AKAP13: variants seen among roughly 807,000 people sequenced by gnomAD.
AKAP13 encodes the protein A-kinase anchoring protein 13, also known as A-kinase anchor protein 13.
A neutral mutation model predicts 264.5 loss-of-function variants in AKAP13; 80 were observed. The observed-to-expected ratio is 0.30, with a 90% CI of 0.25 to 0.36. The LOEUF is 0.36. Among genes scored for constraint, AKAP13 ranks in the 10% least tolerant of loss-of-function variants. The probability of loss-of-function intolerance (pLI) is 1.00; values close to 1 mark genes in which losing one functional copy is unlikely to be tolerated. For synonymous variants in AKAP13, 1,380 were observed against 1,250.2 expected (o/e 1.10, Z -2.19); for missense variants, 3,712 against 3,435.2 (o/e 1.08, Z -2.01).
At chr15:85,630,391 A>G (rs962412137) in intron 8 of AKAP13, among the ~76,000 whole-genome samples, 5 of 152,158 alleles carry the variant, frequency 3.3e-5, no homozygotes, top group African/African-American at 9.7e-5. Context: ...TGTTCCATTC[A>G]CTGTCATTCC....
chr15:85,601,606 CTTTGTGTGTGTG>C (rs1289648447), intron 8 of AKAP13, among the ~76,000 whole-genome samples: 3 of 46,524 alleles, frequency 6.4e-5, no homozygotes, highest in Admixed American at 4.1e-4. Flanking sequence ...CACCTGAATT[CTTTGTGTGTGTG>C]TGTGTGTGTG....
chr15:85,719,233 C>T lies in AKAP13; in HGVS notation c.6159C>T (p.Phe2053=), dbSNP rs753452557. The T allele has an allele frequency of 3.1e-6, 5 of 1,614,128 alleles. No individual in the cohort carries two copies. Among genetic ancestry groups the T allele is most frequent in the Admixed American group, 1.7e-5 (1 of 60,018 alleles). ...TGATCAGTATCCATAGCCAATTCTT[C>T]CAGAGGATTCTGGAGCGGAAGAAGG... is the stretch of plus-strand genomic sequence containing the variant. ...DELISIHSQF[F]QRILERKKES... is the part of the protein sequence containing the mutation. The change falls in exon 23 of 37, where the codon TTC becomes TTT. Residue 2053 remains phenylalanine, a synonymous_variant. Transcript: ENST00000394518.
chr15:85,576,770 A>G (rs8041467), intron 6 of AKAP13, among the ~76,000 whole-genome samples: 95,274 of 151,974 alleles, frequency 0.63, 30,020 homozygotes, highest in Middle Eastern at 0.72. Context: ...TTTCCTCTGA[A>G]TGGACTTCTA....
chr15:85,629,590 C>A lies in AKAP13; in HGVS notation c.4162-9784C>A, dbSNP rs148605618. Among the ~76,000 whole-genome samples, 9 of 152,136 alleles carry A rather than the reference C, an allele frequency of 5.9e-5. No homozygotes were observed. In the East Asian group the frequency reaches 1.7e-3, roughly 29 times the overall value. On this transcript the variant is annotated intron_variant, in intron 8 of 36. Transcript: ENST00000394518. ...TTTTGAGCAGATAAAGCTATAAATACAATATAGTTCATCTACATGTATGCT... is the reference window on the plus strand; with the variant it reads ...TTTTGAGCAGATAAAGCTATAAATAAAATATAGTTCATCTACATGTATGCT...
At chr15:85,612,481 T>C (rs1427541697) in intron 8 of AKAP13, among the ~76,000 whole-genome samples, 1 of 152,138 alleles carries the variant, frequency 6.6e-6, no homozygotes, top group Non-Finnish European at 1.5e-5. Context: ...AAAAATAGCA[T>C]AAGGTTGTGA....
At chr15:85,582,823 G>A (rs772454247) in intron 7 of AKAP13, 54 of 976,210 alleles carry the variant, frequency 5.5e-5, no homozygotes, top group Non-Finnish European at 6.3e-5. Flanking sequence ...CAGGATTTCC[G>A]CCCAAGCCCA....
intron 8 of AKAP13, among the ~76,000 whole-genome samples, chr15:85,589,128 T>G (rs1357696585): frequency 6.6e-6 from 1 of 152,176 alleles, no homozygotes; most frequent in Admixed American, 6.5e-5. Context: ...TTGCTGTGAG[T>G]TGAAAGGATA....
intron 5 of AKAP13, among the ~76,000 whole-genome samples, chr15:85,562,128 G>A (rs1339874562): frequency 1.3e-5 from 2 of 152,158 alleles, no homozygotes; most frequent in African/African-American, 2.4e-5. Flanking sequence ...GAGAGTAAAT[G>A]AGATGATGTG....
At chr15:85,731,668 G>C (rs2088048189) in intron 30 of AKAP13, among the ~76,000 whole-genome samples, 1 of 152,070 alleles carries the variant, frequency 6.6e-6, no homozygotes, top group Non-Finnish European at 1.5e-5. Flanking sequence ...TGACATATAA[G>C]AAAAGATAAA....
chr15:85,626,724 G>C (rs913434470), intron 8 of AKAP13, among the ~76,000 whole-genome samples: 1 of 152,182 alleles, frequency 6.6e-6, no homozygotes, highest in African/African-American at 2.4e-5. Context: ...ATATCTGTTT[G>C]AGTTCCTGCT....
intron 8 of AKAP13, among the ~76,000 whole-genome samples, chr15:85,629,225 TGAAAG>T (rs2081578082): frequency 6.6e-6 from 1 of 150,820 alleles, no homozygotes; most frequent in African/African-American, 2.4e-5. Flanking sequence ...GGAGGGAAAA[TGAAAG>T]GAGAAAGAAG....
At chr15:85,406,365 A>G (rs2150855469) in intron 1 of AKAP13, among the ~76,000 whole-genome samples, 1 of 150,582 alleles carries the variant, frequency 6.6e-6, no homozygotes, top group East Asian at 1.9e-4. Context: ...CTCTCTCTCA[A>G]CTAATTTTTG....
At chr15:85,392,276 A>G (rs1468415228) in intron 1 of AKAP13, among the ~76,000 whole-genome samples, 3 of 87,858 alleles carry the variant, frequency 3.4e-5, no homozygotes, top group South Asian at 3.8e-4. Context: ...TTTTTTTGAG[A>G]TGGAGTCTCG....
In AKAP13 at chr15:85,743,832, C is replaced by T. The variant is rs748462439; in HGVS notation, c.8392+7C>T. ...AGCCGCTCTCAGCCCGGTGGTGAGT[C>T]ACGCACACCTGCTCTCCCTGTGGCC... On this transcript the variant is annotated splice_region_variant and intron_variant, in intron 36 of 36. Coordinates refer to ENST00000394518, the MANE Select transcript of AKAP13 (RefSeq NM_007200.5). 1.9e-6 allele frequency: 3 copies of T among 1,602,024 alleles called. No individual in the cohort carries two copies. Among genetic ancestry groups the T allele is most frequent in the Non-Finnish European group, 2.6e-6 (3 of 1,174,880 alleles).
chr15:85,561,906 A>T (rs184665493), intron 5 of AKAP13, among the ~76,000 whole-genome samples: 124 of 152,344 alleles, frequency 8.1e-4, no homozygotes, highest in African/African-American at 2.8e-3. Flanking sequence ...GTGTATTTTT[A>T]AAATTATTTA....
intron 1 of AKAP13, among the ~76,000 whole-genome samples, chr15:85,466,858 C>T (rs2151013847): frequency 6.6e-6 from 1 of 152,100 alleles, no homozygotes; most frequent in East Asian, 1.9e-4. Flanking sequence ...CCTGGTTAAT[C>T]TTCTTTAATT....
intron 3 of AKAP13, among the ~76,000 whole-genome samples, chr15:85,529,600 CT>C (rs1316730153): frequency 6.6e-6 from 1 of 152,140 alleles, no homozygotes; most frequent in Non-Finnish European, 1.5e-5. Flanking sequence ...TTAAAAAATG[CT>C]GATTTACCCC....
chr15:85,382,289 A>G (rs1355001533), intron 1 of AKAP13: 1 of 152,244 alleles, frequency 6.6e-6, no homozygotes, highest in Non-Finnish European at 1.5e-5. Context: ...TTCTCGTGCT[A>G]AGTGAGTCCT....
intron 35 of AKAP13, among the ~76,000 whole-genome samples, chr15:85,742,135 G>A (rs2089062403): frequency 6.6e-6 from 1 of 152,238 alleles, no homozygotes; most frequent in African/African-American, 2.4e-5. Flanking sequence ...CTAAGAGGCT[G>A]AAAAAGAGAA....
Sources: allele counts gnomAD v4.1 joint callset (sites outside exome capture counted in the v4.1 genomes callset), GRCh38; gene constraint gnomAD v4.1.1; transcripts MANE v1.5; gene names NCBI Gene and HGNC (gene_info 2026-07-23, HGNC 2026-07-21).